AHCTF1: variants seen among roughly 807,000 people sequenced by gnomAD.
The protein encoded by AHCTF1 is AT-hook containing transcription factor 1, also known as protein ELYS.
AHCTF1 carries 24 observed loss-of-function variants against 248.4 expected under a neutral mutation model. The observed-to-expected ratio is 0.10, with a 90% CI of 0.07 to 0.14. The LOEUF (loss-of-function observed/expected upper bound fraction) is 0.14, where lower values mean the gene tolerates loss of function less well. Among genes scored for constraint, AHCTF1 ranks in the 10% least tolerant of loss-of-function variants. The pLI, the probability that AHCTF1 is intolerant of heterozygous loss-of-function variation, is 1.00. For missense variants in AHCTF1, 2,206 were observed against 2,636.2 expected, an observed-to-expected ratio of 0.84 and a Z score of 3.57; for synonymous variants, 786 against 929.8, an observed-to-expected ratio of 0.85 and a Z score of 2.81.
intron 21 of AHCTF1, among the ~76,000 whole-genome samples, chr1:246,883,391 G>T (rs967357217): frequency 6.6e-6 from 1 of 152,156 alleles, no homozygotes; most frequent in Non-Finnish European, 1.5e-5. Context: ...ATGACCGCAG[G>T]AGATACTCAG....
intron 11 of AHCTF1, among the ~76,000 whole-genome samples, chr1:246,898,846 G>A (rs1040205998): frequency 3.9e-5 from 6 of 152,172 alleles, no homozygotes; most frequent in South Asian, 2.1e-4. Context: ...CCAACACTTC[G>A]GGAGGCCGAG....
chr1:246,871,492 C>T (rs1055839225), intron 24 of AHCTF1, among the ~76,000 whole-genome samples: 17 of 152,170 alleles, frequency 1.1e-4, no homozygotes, highest in African/African-American at 4.1e-4. Flanking sequence ...TCAGAACTCT[C>T]AAGTTAACAA....
chr1:246,857,771 T>C lies in AHCTF1; in HGVS notation c.4176A>G (p.Ala1392=), dbSNP rs764135701. 22 of 1,613,694 alleles carry C rather than the reference T, an allele frequency of 1.4e-5. No homozygotes were observed. In the Admixed American group the frequency reaches 3.3e-4, roughly 24 times the overall value. ...AGTGATTCAATTCTGAAAATGCCTC[T>C]GCTGCAACTAAGAGATCCTTTGTTT... ...DAETKDLLVA[A]EAFSELNHLS... is the part of the protein sequence containing the mutation. Residue 1392 remains alanine, a synonymous_variant, in exon 30 of 36, where the codon GCA becomes GCG. Coordinates refer to ENST00000648844, the MANE Select transcript of AHCTF1 (RefSeq NM_001323342.2).
rs1663762462 is a variant in AHCTF1, at chr1:246,885,648, A to G, written c.2505T>C (p.Thr835=). ...AATGTTGCCATGACAAAGGTTTTGCAGTAGCTGGATGAAACAAAAGATCCA... is the reference window on the plus strand; with the variant it reads ...AATGTTGCCATGACAAAGGTTTTGCGGTAGCTGGATGAAACAAAAGATCCA... ...SGLDLLFHPA[T]AKPLSWQHSK... The change falls in exon 21 of 36, where the codon ACT becomes ACC. Residue 835 remains threonine (T), a synonymous_variant. Coordinates refer to ENST00000648844, the MANE Select transcript of AHCTF1 (RefSeq NM_001323342.2). The G allele has an allele frequency of 6.2e-7, 1 of 1,609,208 alleles. No homozygotes were observed. The highest frequency in any genetic ancestry group is 8.5e-7 in the Non-Finnish European group (1 of 1,177,294).
chr1:246,873,670 C>T (rs1487656759), intron 24 of AHCTF1, among the ~76,000 whole-genome samples: 1 of 152,180 alleles, frequency 6.6e-6, no homozygotes, highest in South Asian at 2.1e-4. Flanking sequence ...TCTCTTGCAT[C>T]ACAGCAAAGG....
chr1:246,862,393 T>A (rs1436950455), intron 27 of AHCTF1, among the ~76,000 whole-genome samples: 1 of 150,930 alleles, frequency 6.6e-6, no homozygotes, highest in Non-Finnish European at 1.5e-5. Flanking sequence ...GGCAGGAGAA[T>A]GGCATGAACC....
At chr1:246,921,517 T>C (rs1468615178) in intron 1 of AHCTF1, among the ~76,000 whole-genome samples, 1 of 152,044 alleles carries the variant, frequency 6.6e-6, no homozygotes, top group Non-Finnish European at 1.5e-5. Flanking sequence ...AAGGGATGAG[T>C]AGTTTTAAAT....
At chr1:246,892,065 A>AAT in intron 14 of AHCTF1, 146 bp from the exon 15 acceptor site, 1 of 953,154 alleles carries the variant, frequency 1.0e-6, no homozygotes, top group Non-Finnish European at 1.5e-6. Flanking sequence ...GAAATGGCAA[A>AAT]ACCTCCAAGG....
At chr1:246,890,122 T>A (rs760694972) in intron 16 of AHCTF1, 63 bp from the exon 17 acceptor site, 2 of 1,157,342 alleles carry the variant, frequency 1.7e-6, no homozygotes, top group Admixed American at 2.0e-5. Context: ...ACAATACATA[T>A]TAATATTTTA....
intron 31 of AHCTF1, among the ~76,000 whole-genome samples, chr1:246,855,507 C>CTT (rs1163233067): frequency 2.0e-5 from 3 of 152,134 alleles, no homozygotes; most frequent in Non-Finnish European, 4.4e-5. Flanking sequence ...TAATCTAAGA[C>CTT]TTTGAATATT....
At chr1:246,929,854 C>T (rs996304920) in intron 1 of AHCTF1, among the ~76,000 whole-genome samples, 3 of 152,168 alleles carry the variant, frequency 2.0e-5, no homozygotes, top group East Asian at 1.9e-4. Context: ...AAGTTCAAGA[C>T]CAGCCTGGCC....
chr1:246,905,516 A>C, intron 6 of AHCTF1, 25 bp downstream of exon 6: 7 of 1,586,346 alleles, frequency 4.4e-6, no homozygotes, highest in East Asian at 2.2e-5. Context: ...AAAACAAAAC[A>C]AAACAAAGTT....
intron 24 of AHCTF1, among the ~76,000 whole-genome samples, chr1:246,869,098 C>G (rs1326402119): frequency 6.6e-6 from 1 of 151,314 alleles, no homozygotes; most frequent in South Asian, 2.1e-4. Context: ...CCCGCCTTGG[C>G]CTCCCAAAGT....
At chr1:246,859,464 T>C (rs888096196) in intron 29 of AHCTF1, among the ~76,000 whole-genome samples, 4 of 152,188 alleles carry the variant, frequency 2.6e-5, no homozygotes, top group Admixed American at 6.5e-5. Flanking sequence ...GCAGGTGCCA[T>C]TTCTACTTGA....
chr1:246,848,741 T>C (rs1240632595), intron 33 of AHCTF1, among the ~76,000 whole-genome samples: 1 of 151,840 alleles, frequency 6.6e-6, no homozygotes, highest in Admixed American at 6.6e-5. Flanking sequence ...TCCCAGCTAC[T>C]AGGGAGGCTG....
intron 26 of AHCTF1, among the ~76,000 whole-genome samples, chr1:246,865,840 A>C (rs1032238017): frequency 4.6e-5 from 7 of 152,166 alleles, no homozygotes; most frequent in African/African-American, 1.7e-4. Context: ...CTGAGACCAA[A>C]TATTCTTTCA....
rs545519091 is a variant in AHCTF1 at position 246,877,151 on chromosome 1, T to C, written c.2805+7A>G. On this transcript the variant is annotated splice_region_variant and intron_variant, in intron 22 of 35. Coordinates refer to ENST00000648844, the MANE Select transcript of AHCTF1 (RefSeq NM_001323342.2). The stretch of plus-strand genomic sequence containing the variant: ...TTTCTGACAAGTTTACATCGGTAAG[T>C]AATTACCTGCTCAGTGTCTGTAAAT... The C allele has an allele frequency of 6.2e-7, 1 of 1,612,676 alleles. No individual in the cohort carries two copies. Among genetic ancestry groups the C allele is most frequent in the East Asian group, 2.2e-5 (1 of 44,878 alleles).
chr1:246,890,498 G>A lies in AHCTF1; in HGVS notation c.2051-439C>T, dbSNP rs1402117318. Among the ~76,000 whole-genome samples the A allele has an allele frequency of 2.0e-5, 3 of 152,158 alleles. No individual in the cohort carries two copies. The East Asian group carries it at 5.8e-4, about 29-fold the overall frequency. On this transcript the variant is annotated intron_variant, in intron 16 of 35. Transcript: ENST00000648844. ...GCAAGTTATATTCTAAACAAATATAGCACAAGTCAAATACCAAAAATTATC... is the reference window on the plus strand; with the variant it reads ...GCAAGTTATATTCTAAACAAATATAACACAAGTCAAATACCAAAAATTATC...
At chr1:246,915,160 T>C (rs1666056462) in intron 3 of AHCTF1, among the ~76,000 whole-genome samples, 1 of 151,840 alleles carries the variant, frequency 6.6e-6, no homozygotes, top group Non-Finnish European at 1.5e-5. Flanking sequence ...TGAAACCCCA[T>C]CTCTACTAAA....
Sources: allele counts gnomAD v4.1 joint callset (sites outside exome capture counted in the v4.1 genomes callset), GRCh38; gene constraint gnomAD v4.1.1; transcripts MANE v1.5; gene names NCBI Gene and HGNC (gene_info 2026-07-23, HGNC 2026-07-21).